The following ZNF154 variants were observed in gnomAD, a reference collection of about 807,000 sequenced individuals.
The protein encoded by ZNF154 is zinc finger protein 154.
A neutral mutation model predicts 7.5 loss-of-function variants in ZNF154; 6 were observed. The ratio of observed to expected loss-of-function variants is 0.80; its 90% CI spans 0.44 to 1.57. The LOEUF (loss-of-function observed/expected upper bound fraction) is 1.57. Among genes scored for constraint, ZNF154 ranks in the 40% most tolerant of loss-of-function variants. The probability of loss-of-function intolerance (pLI) is 0.01; values close to 1 mark genes in which losing one functional copy is unlikely to be tolerated. For missense variants in ZNF154, 485 were observed against 531.4 expected (o/e 0.91, Z 0.86); for synonymous variants, 187 against 185.9 (o/e 1.01, Z -0.05).
intron 2 of ZNF154, among the ~76,000 whole-genome samples, chr19:57,704,076 G>T (rs896776267): frequency 1.3e-5 from 2 of 152,186 alleles, no homozygotes; most frequent in Non-Finnish European, 2.9e-5. Flanking sequence ...AGAACTGCAG[G>T]TGTAGCAGTG....
Position 57,700,297 on chromosome 19 carries a change from G to A in ZNF154, c.*1338C>T, listed in dbSNP as rs545579728. ...CCTGCCTGCATAGCAATGACCTTGA[G>A]GTGAAAATCCCAGAGGCTACAGGAT... is the stretch of plus-strand genomic sequence containing the variant. On this transcript the variant is annotated 3_prime_UTR_variant, in exon 3 of 3. Transcript: ENST00000684351. The A allele has an allele frequency of 6.6e-6, 1 of 152,250 alleles. No individual in the cohort carries two copies. The highest frequency in any genetic ancestry group is 1.9e-4 in the East Asian group (1 of 5,178). The allele number at this position is 152,250 out of a possible 1,614,324, so 9.4% of individuals were successfully genotyped here.
In ZNF154 at chr19:57,697,591, T is replaced by G. The variant is rs1262060824; in HGVS notation, c.*4044A>C. ...ATATTTACATTTTAAAATATATTTG[T>G]GTGATTTTTTGGGGGGTTATAAAAG... On this transcript the variant is annotated 3_prime_UTR_variant, in exon 3 of 3. Transcript: ENST00000684351. 1 of 152,212 alleles carries G rather than the reference T, an allele frequency of 6.6e-6. No individual in the cohort carries two copies. Among genetic ancestry groups the G allele is most frequent in the Non-Finnish European group, 1.5e-5 (1 of 68,032 alleles). 9.4% of individuals were successfully genotyped at this position (152,212 alleles called of 1,614,324 possible).
At position 57,700,459 on chromosome 19, in the gene ZNF154, A is replaced by G. The variant is rs902601398; in HGVS notation, c.*1176T>C. On this transcript the variant is annotated 3_prime_UTR_variant, in exon 3 of 3. Transcript: ENST00000684351. ...AACCTCTGTAAAAGGGGCACATTCT[A>G]TTTATTGCAGTGTTATTGCAGTTTT... The G allele has an allele frequency of 6.6e-6, 1 of 152,180 alleles. No individual in the cohort carries two copies. Among genetic ancestry groups the G allele is most frequent in the South Asian group, 2.1e-4 (1 of 4,826 alleles). The allele number at this position is 152,180 out of a possible 1,614,324, so 9.4% of individuals were successfully genotyped here.
At position 57,700,105 on chromosome 19, in the gene ZNF154, T is replaced by C. The variant is rs985641860; in HGVS notation, c.*1530A>G. The C allele has an allele frequency of 2.0e-5, 3 of 152,266 alleles. No individual in the cohort carries two copies. Among genetic ancestry groups the C allele is most frequent in the Non-Finnish European group, 2.9e-5 (2 of 68,042 alleles). The allele number at this position is 152,266 out of a possible 1,614,324, so 9.4% of individuals were successfully genotyped here. A position where few individuals can be genotyped will look rare whatever the true frequency, so the allele number is the denominator to read the frequency against. ...TGGAAAATCAGGTTTGACAACCCTA[T>C]GTTGATTCCACCATCTCTCTCCTCA... On this transcript the variant is annotated 3_prime_UTR_variant, in exon 3 of 3. Coordinates refer to ENST00000684351, the MANE Select transcript of ZNF154 (RefSeq NM_001085384.3).
intron 2 of ZNF154, 64 bp from the exon 3 acceptor site, chr19:57,702,852 T>A: frequency 6.7e-7 from 1 of 1,499,386 alleles, no homozygotes; most frequent in Non-Finnish European, 9.0e-7. Context: ...CTATGATGTG[T>A]CCCCTAGGGC....
intron 1 of ZNF154, 69 bp downstream of exon 1, chr19:57,708,870 G>C: frequency 1.3e-6 from 2 of 1,532,670 alleles, no homozygotes; most frequent in Non-Finnish European, 1.8e-6. Flanking sequence ...TCGAGCAGGC[G>C]CCCCTCACTG....
intron 2 of ZNF154, among the ~76,000 whole-genome samples, chr19:57,704,424 CT>C (rs1474169575): frequency 6.6e-6 from 1 of 152,150 alleles, no homozygotes; most frequent in Non-Finnish European, 1.5e-5. Flanking sequence ...CAGAGGAATA[CT>C]TTGTAAGAAG....
At position 57,698,554 on chromosome 19, in the gene ZNF154, T is replaced by C. The variant is rs1412832935; in HGVS notation, c.*3081A>G. The C allele has an allele frequency of 6.6e-6, 1 of 152,238 alleles. No individual in the cohort carries two copies. The highest frequency in any genetic ancestry group is 1.5e-5 in the Non-Finnish European group (1 of 68,046). The allele number at this position is 152,238 out of a possible 1,614,324, so 9.4% of individuals were successfully genotyped here. A position where few individuals can be genotyped will look rare whatever the true frequency, so the allele number is the denominator to read the frequency against. On this transcript the variant is annotated 3_prime_UTR_variant, in exon 3 of 3. Coordinates refer to ENST00000684351, the MANE Select transcript of ZNF154 (RefSeq NM_001085384.3). ...TACAGGTTAATATGAATATCAAAGC[T>C]GATCAAATTATATAGTTTAAATATG... is the stretch of plus-strand genomic sequence containing the variant.
intron 1 of ZNF154, among the ~76,000 whole-genome samples, chr19:57,708,666 A>T (rs1409108579): frequency 1.3e-5 from 2 of 152,168 alleles, no homozygotes; most frequent in Non-Finnish European, 1.5e-5. Context: ...CAACCCTAGG[A>T]GTAACTCCGC....
intron 2 of ZNF154, among the ~76,000 whole-genome samples, chr19:57,703,042 C>T (rs564715361): frequency 6.6e-6 from 1 of 152,272 alleles, no homozygotes; most frequent in South Asian, 2.1e-4. Flanking sequence ...GCAAGAAATG[C>T]TAGTGAAGTG....
rs952930619 is a variant in ZNF154 at position 57,709,064 on chromosome 19, C to T, written c.-93G>A. The T allele has an allele frequency of 1.6e-5, 24 of 1,521,934 alleles. No homozygotes were observed. Among genetic ancestry groups the T allele is most frequent in the Non-Finnish European group, 2.1e-5 (24 of 1,123,442 alleles). 94.3% of individuals were successfully genotyped at this position (1,521,934 alleles called of 1,614,324 possible). ...CCCTATCCCAGGCCTGACGTGGGTC[C>T]CCCAGGGCGGCGTCGCCAAGGCTTA... On this transcript the variant is annotated 5_prime_UTR_variant, in exon 1 of 3. Transcript: ENST00000684351.
In ZNF154 at chr19:57,696,970, T is replaced by C. The variant is rs1432643860; in HGVS notation, c.*4665A>G. ...ATATGATGTTTGCTTTTCCTCTAGG[T>C]AAAGCCAGTAAGGTAATAGAGCATC... On this transcript the variant is annotated 3_prime_UTR_variant, in exon 3 of 3. Transcript: ENST00000684351. 6.6e-6 allele frequency among the ~76,000 whole-genome samples: 1 copy of C among 152,166 alleles called. No homozygotes were observed. Among genetic ancestry groups the C allele is most frequent in the African/African-American group, 2.4e-5 (1 of 41,434 alleles).
Position 57,706,436 on chromosome 19 carries a change from G to A in ZNF154, c.34-1457C>T, listed in dbSNP as rs554196181. 5.9e-5 allele frequency among the ~76,000 whole-genome samples: 9 copies of A among 152,212 alleles called. No homozygotes were observed. In the South Asian group the frequency reaches 1.9e-3, roughly 32 times the overall value. ...CTAGCTCCACTGATCACCTACCCCA[G>A]GCCAAGTGACTGTCACAGATGACCA... On this transcript the variant is annotated intron_variant, in intron 1 of 2. Coordinates refer to ENST00000684351, the MANE Select transcript of ZNF154 (RefSeq NM_001085384.3).
rs573763385 is a variant in ZNF154, at chr19:57,696,847, C to A, written c.*4788G>T. Among the ~76,000 whole-genome samples the A allele has an allele frequency of 3.9e-5, 6 of 152,138 alleles. No individual in the cohort carries two copies. The highest frequency in any genetic ancestry group is 7.4e-5 in the Non-Finnish European group (5 of 68,016). On this transcript the variant is annotated 3_prime_UTR_variant, in exon 3 of 3. Transcript: ENST00000684351. ...CTCACCTTGGAAAGAAATCAGGGCT[C>A]CAACTAGAGCTGCCTTGCTGGAAGC...
chr19:57,707,314 G>A (rs972601394), intron 1 of ZNF154, among the ~76,000 whole-genome samples: 2 of 152,028 alleles, frequency 1.3e-5, no homozygotes, highest in Non-Finnish European at 2.9e-5. Context: ...ACCAAATAAA[G>A]CTCCTGTTGT....
intron 1 of ZNF154, among the ~76,000 whole-genome samples, chr19:57,705,234 C>A (rs1985338466): frequency 6.6e-6 from 1 of 152,184 alleles, no homozygotes; most frequent in East Asian, 1.9e-4. Flanking sequence ...CTGTCACTTA[C>A]TCCCTTTCCA....
In ZNF154 at chr19:57,701,812, G is replaced by A; in HGVS notation, c.1137C>T (p.His379=). ...SSSLRKHQRV[H]TGSRPYECSE... ...TGCACTCATAGGGTCTTGATCCAGT[G>A]TGAACTCTCTGGTGTTTTCGGAGAC... The change falls in exon 3 of 3, where the codon CAC becomes CAT. Residue 379 remains histidine (H), a synonymous_variant. Transcript: ENST00000684351. 1 of 1,614,208 alleles carries A rather than the reference G, an allele frequency of 6.2e-7. No individual in the cohort carries two copies. The highest frequency in any genetic ancestry group is 2.2e-5 in the East Asian group (1 of 44,890).
chr19:57,701,409 G>T lies in ZNF154; in HGVS notation c.*226C>A. ...TACCTGGAATTTATGCAGATGTTCA[G>T]ATATAGGATGTTCAATTCAGGCTGA... On this transcript the variant is annotated 3_prime_UTR_variant, in exon 3 of 3. Transcript: ENST00000684351. 1.8e-6 allele frequency: 1 copy of T among 566,104 alleles called. No individual in the cohort carries two copies. The highest frequency in any genetic ancestry group is 3.1e-6 in the Non-Finnish European group (1 of 318,828). 35.1% of individuals were successfully genotyped at this position (566,104 alleles called of 1,614,324 possible).
intron 1 of ZNF154, among the ~76,000 whole-genome samples, chr19:57,705,697 T>C (rs1985355934): frequency 6.7e-6 from 1 of 148,270 alleles, no homozygotes; most frequent in African/African-American, 2.5e-5. Flanking sequence ...GAGGTTGCAG[T>C]GAGCCAAGAT....
Sources: gnomAD v4.1 joint callset for allele counts (sites outside exome capture counted in the v4.1 genomes callset) on GRCh38, gnomAD v4.1.1 for gene constraint, MANE v1.5 for transcripts, NCBI Gene and HGNC (gene_info 2026-07-23, HGNC 2026-07-21) for gene names.